The following RUNX2 variants were observed in gnomAD, a reference collection of about 807,000 sequenced individuals.
RUNX2 encodes runt-related transcription factor 2.
Under a neutral mutation model 51.7 loss-of-function variants are expected in RUNX2, and 10 were observed. That is an observed-to-expected ratio of 0.19 (90% CI 0.12 to 0.33). RUNX2 has a LOEUF of 0.33. Ranked by LOEUF, RUNX2 falls within the 10% of genes least tolerant of loss-of-function variation. RUNX2 has a pLI of 1.00. For synonymous variants in RUNX2, 276 were observed against 273.6 expected, an observed-to-expected ratio of 1.01 and a Z score of -0.09; for missense variants, 562 against 691.3, an observed-to-expected ratio of 0.81 and a Z score of 2.10.
intron 7 of RUNX2, among the ~76,000 whole-genome samples, chr6:45,536,031 C>T (rs1286384787): frequency 6.6e-6 from 1 of 151,832 alleles, no homozygotes; most frequent in Non-Finnish European, 1.5e-5. Flanking sequence ...GACGTGAAGT[C>T]ACAGAACAGG....
At chr6:45,537,859 C>T (rs1251874435) in intron 7 of RUNX2, among the ~76,000 whole-genome samples, 1 of 152,178 alleles carries the variant, frequency 6.6e-6, no homozygotes, top group Non-Finnish European at 1.5e-5. Flanking sequence ...TCAAGGGCTC[C>T]TTCACTATCC....
rs185082198 is a variant in RUNX2, at chr6:45,474,528, A to C, written c.686-17413A>C. ...GCTGTAGAAGAAATATAAACAAACC[A>C]TCGATGTTTGTTCACATCTGTTAAT... On this transcript the variant is annotated intron_variant, in intron 5 of 8. Coordinates refer to ENST00000647337, the MANE Select transcript of RUNX2 (RefSeq NM_001024630.4). 4.3e-4 allele frequency among the ~76,000 whole-genome samples: 66 copies of C among 152,032 alleles called. 1 individual carries two copies. The highest frequency in any genetic ancestry group is 1.5e-4 in the Non-Finnish European group (10 of 67,964).
intron 3 of RUNX2, 96 bp downstream of exon 3, chr6:45,423,053 C>A: frequency 6.7e-7 from 1 of 1,499,182 alleles, no homozygotes; most frequent in Non-Finnish European, 9.0e-7. Flanking sequence ...GGACGTCCTC[C>A]AAGACCTCCT....
At chr6:45,417,400 C>T (rs571115212) in intron 2 of RUNX2, among the ~76,000 whole-genome samples, 2 of 152,290 alleles carry the variant, frequency 1.3e-5, no homozygotes, top group African/African-American at 4.8e-5. Flanking sequence ...AAAATGTACT[C>T]GCTCCTCATT....
At chr6:45,383,681 A>C (rs1442984502) in intron 2 of RUNX2, among the ~76,000 whole-genome samples, 1 of 152,242 alleles carries the variant, frequency 6.6e-6, no homozygotes, top group Non-Finnish European at 1.5e-5. Flanking sequence ...AGTTAAGACG[A>C]GTATACAGAA....
At chr6:45,394,329 C>A (rs559837537) in intron 2 of RUNX2, among the ~76,000 whole-genome samples, 139 of 152,230 alleles carry the variant, frequency 9.1e-4, no homozygotes, top group African/African-American at 3.1e-3. Context: ...CCACCAAGGC[C>A]CCACCTCTAA....
chr6:45,518,810 A>G (rs1182584329), intron 7 of RUNX2, among the ~76,000 whole-genome samples: 2 of 152,226 alleles, frequency 1.3e-5, no homozygotes, highest in Non-Finnish European at 2.9e-5. Flanking sequence ...TCTCCTTTCC[A>G]TCAAAGAAAA....
chr6:45,480,904 A>G (rs562534954), intron 5 of RUNX2, among the ~76,000 whole-genome samples: 1 of 152,350 alleles, frequency 6.6e-6, no homozygotes, highest in African/African-American at 2.4e-5. Context: ...CAGCACAGCA[A>G]GACCAGGCTG....
At position 45,422,868 on chromosome 6, in the gene RUNX2, G is replaced by A. The variant is rs1418628831; in HGVS notation, c.334G>A (p.Glu112Lys). 6.2e-7 allele frequency: 1 copy of A among 1,612,056 alleles called. No homozygotes were observed. Among genetic ancestry groups the A allele is most frequent in the East Asian group, 2.2e-5 (1 of 44,720 alleles). Residue 112 changes from glutamate to lysine, a missense_variant, in exon 3 of 9, where the codon GAA becomes AAA. Glu to Lys is a moderately conservative substitution (Grantham distance 56, BLOSUM62 1). This residue lies in a region of RUNX2 where 67 missense variants were observed against 106.5 expected (regional missense o/e 0.63). Transcript: ENST00000647337. ...GGAGATCATCGCCGACCACCCGGCC[G>A]AACTCGTCCGCACCGACAGCCCCAA... is the stretch of plus-strand genomic sequence containing the variant. ...MVEIIADHPA[E>K]LVRTDSPNFL...
In RUNX2 at chr6:45,550,862, A is replaced by G. The variant is rs887267158; in HGVS notation, c.*3557A>G. 1 of 152,564 alleles carries G rather than the reference A, an allele frequency of 6.6e-6. No individual in the cohort carries two copies. Among genetic ancestry groups the G allele is most frequent in the African/African-American group, 2.4e-5 (1 of 41,426 alleles). The allele number at this position is 152,564 out of a possible 1,614,324, so 9.5% of individuals were successfully genotyped here. ...CAAGCTTTCATTTTTATTTTTTCCAATTGCTATTGCCCAAGAATTGCTTTC... is the reference window on the plus strand; with the variant it reads ...CAAGCTTTCATTTTTATTTTTTCCAGTTGCTATTGCCCAAGAATTGCTTTC... On this transcript the variant is annotated 3_prime_UTR_variant, in exon 9 of 9. Coordinates refer to ENST00000647337, the MANE Select transcript of RUNX2 (RefSeq NM_001024630.4).
chr6:45,460,516 G>T (rs969898863), intron 5 of RUNX2, among the ~76,000 whole-genome samples: 1 of 152,210 alleles, frequency 6.6e-6, no homozygotes. Flanking sequence ...ACACTTTCAG[G>T]ATGTTTAAAG....
chr6:45,541,123 G>C (rs1802212236), intron 7 of RUNX2, among the ~76,000 whole-genome samples: 1 of 152,060 alleles, frequency 6.6e-6, no homozygotes, highest in African/African-American at 2.4e-5. Context: ...CCAATCCTTA[G>C]ACTCATTTAC....
intron 2 of RUNX2, among the ~76,000 whole-genome samples, chr6:45,383,706 A>C (rs75140501): frequency 0.022 from 3,338 of 152,344 alleles, 64 homozygotes; most frequent in Non-Finnish European, 0.032. Flanking sequence ...CCAGTTCTCC[A>C]AAGTATTTTC....
Position 45,422,836 on chromosome 6 carries a change from C to T in RUNX2, c.302C>T (p.Thr101Ile). 9 of 1,610,132 alleles carry T rather than the reference C, an allele frequency of 5.6e-6. No individual in the cohort carries two copies. The highest frequency in any genetic ancestry group is 7.6e-6 in the Non-Finnish European group (9 of 1,179,202). ...PRLRPPHDNR[T>I]MVEIIADHPA... is the part of the protein sequence containing the mutation. ...TTGCGGCCGCCCCACGACAACCGCA[C>T]CATGGTGGAGATCATCGCCGACCAC... The change falls in exon 3 of 9, where the codon ACC becomes ATC. Residue 101 changes from threonine (T) to isoleucine (I), a missense_variant. Around this residue, in one of 5 missense-constraint regions of RUNX2, gnomAD observed 153 missense variants for 144.8 expected, o/e 1.06. Transcript: ENST00000647337.
chr6:45,344,544 T>C (rs1790463145), intron 2 of RUNX2, among the ~76,000 whole-genome samples: 1 of 152,092 alleles, frequency 6.6e-6, no homozygotes, highest in Non-Finnish European at 1.5e-5. Context: ...AGTAACATTA[T>C]CAATTAAGTA....
intron 2 of RUNX2, among the ~76,000 whole-genome samples, chr6:45,366,577 T>C (rs539767330): frequency 4.6e-5 from 7 of 152,290 alleles, no homozygotes; most frequent in African/African-American, 1.4e-4. Context: ...GCTAAAAACT[T>C]TTATATAAAT....
At position 45,422,822 on chromosome 6, in the gene RUNX2, C is replaced by G. The variant is rs1406045203; in HGVS notation, c.288C>G (p.Pro96=). Residue 96 remains proline (P), a synonymous_variant, in exon 3 of 9, where the codon CCC becomes CCG. Coordinates refer to ENST00000647337, the MANE Select transcript of RUNX2 (RefSeq NM_001024630.4). The part of the protein sequence containing the change: ...AAAAVPRLRP[P]HDNRTMVEII... ...CTGCAGTGCCCCGGTTGCGGCCGCC[C>G]CACGACAACCGCACCATGGTGGAGA... The G allele has an allele frequency of 1.2e-6, 2 of 1,603,778 alleles. No homozygotes were observed. The highest frequency in any genetic ancestry group is 1.7e-6 in the Non-Finnish European group (2 of 1,177,050).
rs961078355 is a variant in RUNX2, at chr6:45,547,486, T to C, written c.*181T>C. 1.6e-5 allele frequency: 10 copies of C among 623,112 alleles called. No homozygotes were observed. Among genetic ancestry groups the C allele is most frequent in the African/African-American group, 1.1e-4 (6 of 54,400 alleles). 38.6% of individuals were successfully genotyped at this position (623,112 alleles called of 1,614,324 possible). A position where few individuals can be genotyped will look rare whatever the true frequency, so the allele number is the denominator to read the frequency against. On this transcript the variant is annotated 3_prime_UTR_variant, in exon 9 of 9. Coordinates refer to ENST00000647337, the MANE Select transcript of RUNX2 (RefSeq NM_001024630.4). Reference sequence around the variant, plus strand: ...TCTTGCAGCCATAAGAGGGTAGATATTGAGAAGCAGAAGGCTCAAGAGAGA... The same window carrying C: ...TCTTGCAGCCATAAGAGGGTAGATACTGAGAAGCAGAAGGCTCAAGAGAGA...
intron 5 of RUNX2, among the ~76,000 whole-genome samples, chr6:45,486,776 C>G (rs1406819162): frequency 6.6e-6 from 1 of 152,138 alleles, no homozygotes; most frequent in African/African-American, 2.4e-5. Context: ...CCACGTAGCT[C>G]TCCGAAGTTG....
Sources: gnomAD v4.1 joint callset for allele counts (sites outside exome capture counted in the v4.1 genomes callset) on GRCh38, gnomAD v4.1.1 for gene constraint, gnomAD v4.1.1 regional missense constraint, MANE v1.5 for transcripts, NCBI Gene and HGNC (gene_info 2026-07-23, HGNC 2026-07-21) for gene names.